Variants in ANKS1B observed in about 807,000 individuals in gnomAD.
ANKS1B encodes the protein ankyrin repeat and sterile alpha motif domain-containing protein 1B.
ANKS1B carries 36 observed loss-of-function variants against 148.3 expected under a neutral mutation model. The ratio of observed to expected loss-of-function variants is 0.24; its 90% CI spans 0.19 to 0.32. ANKS1B has a LOEUF of 0.32. Among genes scored for constraint, ANKS1B ranks in the 10% least tolerant of loss-of-function variants. The probability of loss-of-function intolerance (pLI) is 1.00; values close to 1 mark genes in which losing one functional copy is unlikely to be tolerated. For missense variants in ANKS1B, 1,157 were observed against 1,542.6 expected, an observed-to-expected ratio of 0.75 and a Z score of 4.19; for synonymous variants, 542 against 560.8, an observed-to-expected ratio of 0.97 and a Z score of 0.47.
intron 8 of ANKS1B, among the ~76,000 whole-genome samples, chr12:99,700,777 C>T (rs1354761984): frequency 6.6e-6 from 1 of 152,122 alleles, no homozygotes; most frequent in Non-Finnish European, 1.5e-5. Flanking sequence ...GGATCCTGTT[C>T]CTAACTGGAA....
chr12:99,156,171 C>T (rs2076030606), intron 14 of ANKS1B, among the ~76,000 whole-genome samples: 1 of 152,114 alleles, frequency 6.6e-6, no homozygotes, highest in African/African-American at 2.4e-5. Flanking sequence ...ACATCTTCTA[C>T]TCCTCTTTCA....
At chr12:98,784,947 CT>C (rs1283474368) in intron 22 of ANKS1B, among the ~76,000 whole-genome samples, 1 of 152,114 alleles carries the variant, frequency 6.6e-6, no homozygotes, top group East Asian at 1.9e-4. Context: ...GTACTGCTCT[CT>C]CCACTGAGTC....
At chr12:99,745,178 C>T (rs976282580) in intron 8 of ANKS1B, among the ~76,000 whole-genome samples, 1 of 119,184 alleles carries the variant, frequency 8.4e-6, no homozygotes, top group Admixed American at 9.1e-5. Context: ...ATTCAATAAA[C>T]AAAGAGAATA....
At chr12:98,908,188 G>T (rs985855546) in intron 17 of ANKS1B, among the ~76,000 whole-genome samples, 2 of 152,134 alleles carry the variant, frequency 1.3e-5, no homozygotes, top group African/African-American at 4.8e-5. Context: ...CTGTAGGAAA[G>T]GGAGATTGAC....
intron 11 of ANKS1B, among the ~76,000 whole-genome samples, chr12:99,428,613 T>G (rs948072440): frequency 6.6e-6 from 1 of 152,198 alleles, no homozygotes; most frequent in African/African-American, 2.4e-5. Flanking sequence ...GATGTTCCTG[T>G]GCATGTGTAT....
chr12:99,828,156 A>G (rs2083444088), intron 1 of ANKS1B, among the ~76,000 whole-genome samples: 1 of 152,198 alleles, frequency 6.6e-6, no homozygotes, highest in South Asian at 2.1e-4. Context: ...TTGAAAATCT[A>G]AATCAATTAG....
intron 17 of ANKS1B, among the ~76,000 whole-genome samples, chr12:98,968,534 A>G (rs1367774641): frequency 6.6e-6 from 1 of 152,214 alleles, no homozygotes; most frequent in African/African-American, 2.4e-5. Context: ...GTGGAAGTCC[A>G]CTGTGGTTTC....
chr12:98,750,161 C>G (rs1447683566), intron 26 of ANKS1B, among the ~76,000 whole-genome samples: 3 of 152,106 alleles, frequency 2.0e-5, no homozygotes, highest in African/African-American at 7.2e-5. Flanking sequence ...GCTGGAGATA[C>G]AGAACTGGGA....
At position 99,742,651 on chromosome 12, in the gene ANKS1B, G is replaced by A. The variant is rs764259553; in HGVS notation, c.1128+30271C>T. Among the ~76,000 whole-genome samples the A allele has an allele frequency of 6.3e-4, 96 of 151,688 alleles. 1 individual carries two copies. Among genetic ancestry groups the A allele is most frequent in the Non-Finnish European group, 1.3e-3 (85 of 67,948 alleles). On this transcript the variant is annotated intron_variant, in intron 8 of 26. Transcript: ENST00000683438. ...AGTTCGAGACCAGCCTGACCAACAC[G>A]GTGAAACCCCGTCTCTACTAAAAAT...
At chr12:99,367,875 T>G (rs7315463) in intron 12 of ANKS1B, among the ~76,000 whole-genome samples, 16,204 of 152,016 alleles carry the variant, frequency 0.11, 871 homozygotes, top group Non-Finnish European at 0.13. Context: ...AGGGAATAGA[T>G]GGAAAGAAGA....
intron 12 of ANKS1B, among the ~76,000 whole-genome samples, chr12:99,393,096 T>TA (rs1555414096): frequency 6.6e-6 from 1 of 150,558 alleles, no homozygotes; most frequent in African/African-American, 2.5e-5. Context: ...GATAGACAGA[T>TA]GATAGATAGA....
At chr12:99,490,613 G>T (rs908382255) in intron 10 of ANKS1B, among the ~76,000 whole-genome samples, 2 of 152,084 alleles carry the variant, frequency 1.3e-5, no homozygotes, top group Non-Finnish European at 2.9e-5. Flanking sequence ...ACTATTATGA[G>T]CTTCTTGAAT....
intron 12 of ANKS1B, among the ~76,000 whole-genome samples, chr12:99,267,244 T>A (rs2153986006): frequency 6.6e-6 from 1 of 152,252 alleles, no homozygotes; most frequent in East Asian, 1.9e-4. Flanking sequence ...AGCAATGAAT[T>A]TTCCATACAA....
chr12:99,904,202 T>A (rs2093698870), intron 1 of ANKS1B, among the ~76,000 whole-genome samples: 1 of 152,110 alleles, frequency 6.6e-6, no homozygotes, highest in Non-Finnish European at 1.5e-5. Flanking sequence ...ATTCTTTTTT[T>A]TTTTTTTTAG....
At chr12:99,570,799 T>C (rs1322319928) in intron 9 of ANKS1B, among the ~76,000 whole-genome samples, 1 of 152,104 alleles carries the variant, frequency 6.6e-6, no homozygotes, top group African/African-American at 2.4e-5. Flanking sequence ...TTTATAAAAG[T>C]ATATACAATG....
intron 8 of ANKS1B, among the ~76,000 whole-genome samples, chr12:99,672,510 C>G (rs1203377542): frequency 6.6e-6 from 1 of 152,146 alleles, no homozygotes; most frequent in African/African-American, 2.4e-5. Context: ...AAAGACAAAA[C>G]CTCTTCCTGT....
chr12:99,780,473 G>A (rs1455553768), intron 5 of ANKS1B, among the ~76,000 whole-genome samples: 6 of 151,748 alleles, frequency 4.0e-5, no homozygotes, highest in Middle Eastern at 3.4e-3. Context: ...TAGTAGAGAC[G>A]GGGTTTCACT....
At chr12:99,515,923 G>C (rs1473562726) in intron 9 of ANKS1B, among the ~76,000 whole-genome samples, 1 of 152,134 alleles carries the variant, frequency 6.6e-6, no homozygotes. Context: ...GTGATGCTGA[G>C]CACCTTTTCA....
chr12:99,185,462 C>A (rs140710793), intron 14 of ANKS1B, among the ~76,000 whole-genome samples: 1 of 152,100 alleles, frequency 6.6e-6, no homozygotes, highest in Non-Finnish European at 1.5e-5. Context: ...GCAAGATGGA[C>A]GAATAGGAAT....
Sources: allele counts gnomAD v4.1 joint callset (sites outside exome capture counted in the v4.1 genomes callset), GRCh38; gene constraint gnomAD v4.1.1; transcripts MANE v1.5; gene names NCBI Gene and HGNC (gene_info 2026-07-23, HGNC 2026-07-21).